WDFY1: variants seen among roughly 807,000 people sequenced by gnomAD.
WDFY1 encodes the protein WD repeat and FYVE domain-containing protein 1.
WDFY1 carries 32 observed loss-of-function variants against 56.4 expected under a neutral mutation model. The observed-to-expected ratio is 0.57, with a 90% confidence interval of 0.43 to 0.76. The LOEUF is 0.76. Among genes scored for constraint, WDFY1 ranks in the 30% least tolerant of loss-of-function variants. The pLI is 0.00. For missense variants in WDFY1, 480 were observed against 545.7 expected (o/e 0.88, Z 1.20); for synonymous variants, 192 against 197.3 (o/e 0.97, Z 0.23).
At chr2:223,883,098 T>C (rs1693104108) in intron 9 of WDFY1, among the ~76,000 whole-genome samples, 1 of 152,220 alleles carries the variant, frequency 6.6e-6, no homozygotes, top group Admixed American at 6.5e-5. Context: ...TTGCTCAGGC[T>C]GGTTTCAAAC....
In WDFY1 at chr2:223,945,326, A is replaced by G. The variant is rs752853582; in HGVS notation, c.-42T>C. Reference sequence around the variant, plus strand: ...CTGCGGCCTCCTCGGCAGGCAGCCCATCAGCTGACGCCTGGGCGGGCGGGG... The same window carrying G: ...CTGCGGCCTCCTCGGCAGGCAGCCCGTCAGCTGACGCCTGGGCGGGCGGGG... On this transcript the variant is annotated 5_prime_UTR_variant, in exon 1 of 12. It removes an upstream start codon present in the reference 5' UTR. Transcript: ENST00000233055. 7.2e-6 allele frequency: 11 copies of G among 1,532,740 alleles called. No homozygotes were observed. Among genetic ancestry groups the G allele is most frequent in the African/African-American group, 5.7e-5 (4 of 69,910 alleles). 94.9% of individuals were successfully genotyped at this position (1,532,740 alleles called of 1,614,324 possible).
intron 1 of WDFY1, among the ~76,000 whole-genome samples, chr2:223,936,686 C>A (rs1694173665): frequency 2.0e-5 from 3 of 152,164 alleles, no homozygotes. Flanking sequence ...GGGGACCTCA[C>A]CATTCCCTAA....
intron 8 of WDFY1, among the ~76,000 whole-genome samples, chr2:223,889,128 T>TC (rs1693225527): frequency 2.0e-5 from 3 of 152,068 alleles, no homozygotes; most frequent in Admixed American, 2.0e-4. Context: ...GGTCTCGAAC[T>TC]CCTGACCTCA....
chr2:223,917,263 G>A (rs996935451), intron 2 of WDFY1, among the ~76,000 whole-genome samples: 1 of 152,166 alleles, frequency 6.6e-6, no homozygotes, highest in Non-Finnish European at 1.5e-5. Context: ...TGAAAAGGTT[G>A]GGCAAAGGTA....
intron 6 of WDFY1, among the ~76,000 whole-genome samples, chr2:223,897,341 C>A (rs1693398520): frequency 7.3e-6 from 1 of 137,174 alleles, no homozygotes; most frequent in African/African-American, 2.7e-5. Flanking sequence ...TGTGTCCCCT[C>A]TAAATTTCGC....
intron 1 of WDFY1, among the ~76,000 whole-genome samples, chr2:223,936,527 G>T (rs924139109): frequency 1.1e-4 from 17 of 152,204 alleles, no homozygotes; most frequent in African/African-American, 4.1e-4. Flanking sequence ...GAAAAATGAG[G>T]TTTAAAAGAT....
intron 7 of WDFY1, among the ~76,000 whole-genome samples, chr2:223,894,994 G>A (rs1418358750): frequency 5.3e-5 from 8 of 152,190 alleles, no homozygotes; most frequent in African/African-American, 1.9e-4. Flanking sequence ...CAGGGCTACA[G>A]GGCAAGATCC....
intron 11 of WDFY1, among the ~76,000 whole-genome samples, chr2:223,879,720 C>T (rs1311954205): frequency 6.6e-6 from 1 of 151,884 alleles, no homozygotes. Flanking sequence ...TGTTAGTGAC[C>T]CAGGGATTTA....
chr2:223,890,995 G>A (rs543452937), intron 8 of WDFY1, among the ~76,000 whole-genome samples: 8 of 152,132 alleles, frequency 5.3e-5, no homozygotes, highest in African/African-American at 1.9e-4. Context: ...AGTATTGACA[G>A]GGGACTTGGA....
At chr2:223,913,869 T>C (rs939161730) in intron 2 of WDFY1, among the ~76,000 whole-genome samples, 1 of 152,052 alleles carries the variant, frequency 6.6e-6, no homozygotes, top group African/African-American at 2.4e-5. Flanking sequence ...TTGTATTATA[T>C]AGTAATATCC....
intron 1 of WDFY1, among the ~76,000 whole-genome samples, chr2:223,943,416 C>T (rs554464215): frequency 6.6e-6 from 1 of 152,254 alleles, no homozygotes; most frequent in South Asian, 2.1e-4. Context: ...AAGGCACAAG[C>T]TCACTCAAAA....
chr2:223,927,583 G>A (rs978291622), intron 1 of WDFY1, among the ~76,000 whole-genome samples: 2 of 152,136 alleles, frequency 1.3e-5, no homozygotes, highest in Admixed American at 6.6e-5. Flanking sequence ...TGTTGTGGCT[G>A]GTCTGATCTT....
intron 7 of WDFY1, chr2:223,894,574 T>C (rs369935962): frequency 8.1e-6 from 4 of 494,828 alleles, no homozygotes; most frequent in South Asian, 4.5e-5. Flanking sequence ...TCATTAAGAA[T>C]TGTAGGCCAG....
intron 8 of WDFY1, among the ~76,000 whole-genome samples, chr2:223,888,561 C>T (rs905216324): frequency 6.6e-6 from 1 of 150,560 alleles, no homozygotes; most frequent in African/African-American, 2.4e-5. Flanking sequence ...AAAATAAATA[C>T]AGATAAGCCA....
chr2:223,894,525 T>C (rs1693328698), intron 7 of WDFY1, 186 bp from the exon 8 acceptor site: 1 of 593,408 alleles, frequency 1.7e-6, no homozygotes, highest in Admixed American at 3.0e-5. Flanking sequence ...TAATACAGAA[T>C]GATACTTTCT....
intron 1 of WDFY1, among the ~76,000 whole-genome samples, chr2:223,943,696 A>G (rs1689352355): frequency 6.6e-6 from 1 of 152,224 alleles, no homozygotes; most frequent in Non-Finnish European, 1.5e-5. Flanking sequence ...AGCTACTGAC[A>G]TTGTAAACCT....
intron 1 of WDFY1, among the ~76,000 whole-genome samples, chr2:223,941,404 T>C (rs893456401): frequency 1.3e-5 from 2 of 152,144 alleles, no homozygotes; most frequent in African/African-American, 4.8e-5. Context: ...CCTCTTACAA[T>C]TCCCTCCTGT....
chr2:223,908,045 G>A (rs1352065468), intron 3 of WDFY1, among the ~76,000 whole-genome samples: 1 of 53,770 alleles, frequency 1.9e-5, no homozygotes, highest in Non-Finnish European at 5.1e-5. Flanking sequence ...TTTTTGTAGA[G>A]ATGAGGTCTC....
At chr2:223,882,096 A>G (rs755321232) in intron 9 of WDFY1, 24 bp from the exon 10 acceptor site, 2 of 1,608,214 alleles carry the variant, frequency 1.2e-6, no homozygotes, top group Non-Finnish European at 1.7e-6. Flanking sequence ...CGGGAGGAGG[A>G]AAACAGGGTG....
Sources: gnomAD v4.1 joint callset for allele counts (sites outside exome capture counted in the v4.1 genomes callset) on GRCh38, gnomAD v4.1.1 for gene constraint, MANE v1.5 for transcripts, NCBI Gene and HGNC (gene_info 2026-07-23, HGNC 2026-07-21) for gene names.